The following MGAT5 variants were observed in gnomAD, a reference collection of about 807,000 sequenced individuals.
The protein encoded by MGAT5 is alpha-1,6-mannosylglycoprotein 6-beta-N-acetylglucosaminyltransferase A.
In MGAT5, 30 loss-of-function variants were observed where a neutral mutation model predicts 94.3. That is an observed-to-expected ratio of 0.32 (90% CI 0.24 to 0.43). MGAT5 has a LOEUF of 0.43. Ranked by LOEUF, MGAT5 falls within the 20% of genes least tolerant of loss-of-function variation. The pLI is 1.00. For missense variants in MGAT5, 691 were observed against 905.5 expected (o/e 0.76, Z 3.04); for synonymous variants, 310 against 322.9 (o/e 0.96, Z 0.43).
chr2:134,275,168 A>G (rs946608350), intron 2 of MGAT5, among the ~76,000 whole-genome samples: 1 of 152,202 alleles, frequency 6.6e-6, no homozygotes, highest in African/African-American at 2.4e-5. Context: ...AGGGTCAGAT[A>G]CTGGTATGTC....
At chr2:134,257,794 C>A (rs1683062847) in intron 1 of MGAT5, among the ~76,000 whole-genome samples, 2 of 144,754 alleles carry the variant, frequency 1.4e-5, no homozygotes, top group Non-Finnish European at 3.0e-5. Context: ...GCTGGGCTGG[C>A]AGAACAGTGA....
intron 1 of MGAT5, among the ~76,000 whole-genome samples, chr2:134,199,309 A>G (rs146276583): frequency 4.5e-4 from 68 of 151,968 alleles, no homozygotes; most frequent in African/African-American, 1.6e-3. Flanking sequence ...GCATGTACAT[A>G]TATCCCAGAA....
chr2:134,147,796 T>G (rs1444510322), intron 1 of MGAT5, among the ~76,000 whole-genome samples: 1 of 152,186 alleles, frequency 6.6e-6, no homozygotes, highest in African/African-American at 2.4e-5. Context: ...CGTCTATGCC[T>G]GGCAGTCCGT....
intron 4 of MGAT5, among the ~76,000 whole-genome samples, chr2:134,329,396 G>C (rs1240516513): frequency 6.6e-6 from 1 of 152,136 alleles, no homozygotes; most frequent in Non-Finnish European, 1.5e-5. Flanking sequence ...AGGAGCAAGA[G>C]TTGGAAGCAG....
intron 1 of MGAT5, among the ~76,000 whole-genome samples, chr2:134,131,232 C>T (rs997967027): frequency 2.6e-5 from 4 of 152,202 alleles, no homozygotes; most frequent in African/African-American, 4.8e-5. Flanking sequence ...GTCACGCTGC[C>T]TTTAAGAACC....
chr2:134,263,623 A>C (rs1683474819), intron 1 of MGAT5, among the ~76,000 whole-genome samples: 1 of 152,244 alleles, frequency 6.6e-6, no homozygotes. Context: ...ATGTGGCTTT[A>C]AAATTCAAAT....
At chr2:134,419,845 A>G (rs1684199328) in intron 12 of MGAT5, among the ~76,000 whole-genome samples, 1 of 152,220 alleles carries the variant, frequency 6.6e-6, no homozygotes, top group South Asian at 2.1e-4. Context: ...GACTGCTGAC[A>G]TGTAAATTAC....
chr2:134,148,168 A>G (rs1323615823), intron 1 of MGAT5, among the ~76,000 whole-genome samples: 1 of 152,256 alleles, frequency 6.6e-6, no homozygotes, highest in Non-Finnish European at 1.5e-5. Flanking sequence ...TTGAGGAAAC[A>G]TCCACGGGCT....
intron 1 of MGAT5, among the ~76,000 whole-genome samples, chr2:134,145,215 T>C (rs1351233533): frequency 1.7e-5 from 1 of 58,646 alleles, no homozygotes; most frequent in Non-Finnish European, 3.0e-5. Flanking sequence ...TCTCTCTCTC[T>C]GTGTGTGTGT....
At chr2:134,362,684 T>G (rs1210786970) in intron 10 of MGAT5, among the ~76,000 whole-genome samples, 1 of 152,224 alleles carries the variant, frequency 6.6e-6, no homozygotes, top group African/African-American at 2.4e-5. Context: ...ACCTTGTACT[T>G]GCTTCTGAGA....
rs371786951 is a variant in MGAT5 at position 134,310,089 on chromosome 2, G to T, written c.407-7440G>T. Among the ~76,000 whole-genome samples the T allele has an allele frequency of 6.6e-5, 10 of 152,114 alleles. No homozygotes were observed. The East Asian group carries it at 1.5e-3, about 23-fold the overall frequency. ...TATATACACTGAATTTGATTTTCTT[G>T]TTGAGTTCCATTATGTCCATAGTAT... is the stretch of plus-strand genomic sequence containing the variant. On this transcript the variant is annotated intron_variant, in intron 2 of 15. Transcript: ENST00000281923.
chr2:134,407,165 G>A (rs539746990), intron 11 of MGAT5, among the ~76,000 whole-genome samples: 14 of 152,228 alleles, frequency 9.2e-5, no homozygotes, highest in African/African-American at 2.4e-4. Flanking sequence ...CTGATACCCC[G>A]TTCCTGCCTG....
At chr2:134,313,672 A>C (rs1686833875) in intron 2 of MGAT5, among the ~76,000 whole-genome samples, 1 of 152,198 alleles carries the variant, frequency 6.6e-6, no homozygotes. Flanking sequence ...TTCAAGTTAC[A>C]TATCTTGGCA....
chr2:134,146,232 A>G (rs1044126244), intron 1 of MGAT5, among the ~76,000 whole-genome samples: 1 of 152,172 alleles, frequency 6.6e-6, no homozygotes, highest in African/African-American at 2.4e-5. Context: ...ATTAAGTAAA[A>G]GGAAATGAGT....
intron 12 of MGAT5, among the ~76,000 whole-genome samples, chr2:134,413,836 C>T (rs540773655): frequency 6.6e-6 from 1 of 152,300 alleles, no homozygotes; most frequent in East Asian, 1.9e-4. Flanking sequence ...TAGCATCCGT[C>T]CCATGGCATA....
intron 1 of MGAT5, among the ~76,000 whole-genome samples, chr2:134,261,072 A>G (rs3791264): frequency 0.21 from 32,287 of 151,962 alleles, 4,862 homozygotes; most frequent in African/African-American, 0.39. Flanking sequence ...AAGACCTCAG[A>G]AATGTTTTAG....
chr2:134,413,825 T>G (rs1194285830), intron 12 of MGAT5, among the ~76,000 whole-genome samples: 1 of 152,210 alleles, frequency 6.6e-6, no homozygotes, highest in African/African-American at 2.4e-5. Context: ...ATTACATTGA[T>G]TAGCATCCGT....
chr2:134,183,269 C>T (rs570175617), intron 1 of MGAT5, among the ~76,000 whole-genome samples: 28 of 152,244 alleles, frequency 1.8e-4, no homozygotes, highest in East Asian at 3.9e-4. Flanking sequence ...AAAATTAATA[C>T]GGTTGCTTTC....
At chr2:134,150,480 A>C (rs1011569910) in intron 1 of MGAT5, among the ~76,000 whole-genome samples, 1 of 152,166 alleles carries the variant, frequency 6.6e-6, no homozygotes, top group Admixed American at 6.5e-5. Flanking sequence ...ATTATTAATA[A>C]TTGGGAGGCC....
Sources: allele counts gnomAD v4.1 joint callset (sites outside exome capture counted in the v4.1 genomes callset), GRCh38; gene constraint gnomAD v4.1.1; transcripts MANE v1.5; gene names NCBI Gene and HGNC (gene_info 2026-07-23, HGNC 2026-07-21).